The following TMT1A variants were observed in gnomAD, a reference collection of about 807,000 sequenced individuals.
TMT1A encodes the protein thiol S-methyltransferase TMT1A.
the TMT1A span, chr12:50,930,069 T>C: frequency 1.2e-6 from 2 of 1,614,076 alleles, no homozygotes; most frequent in Non-Finnish European, 1.7e-6. Context: ...CCAGCTTCTC[T>C]AAGCTGAAGC....
the TMT1A span, chr12:50,930,270 G>GT: frequency 3.0e-6 from 2 of 657,224 alleles, no homozygotes; most frequent in South Asian, 2.9e-5. Flanking sequence ...TTGGTTTGTT[G>GT]TTGGTTTTTT....
chr12:50,931,053 C>A, the TMT1A span: 7 of 149,728 alleles, frequency 4.7e-5, no homozygotes, highest in East Asian at 1.4e-3. Flanking sequence ...ATCCCCAAAT[C>A]TTATTTTATT....
chr12:50,925,572 CA>C, the TMT1A span: 1 of 1,590,088 alleles, frequency 6.3e-7, no homozygotes, highest in Non-Finnish European at 8.6e-7. Context: ...TAGTTAGTAG[CA>C]GCTATTATCA....
chr12:50,925,352 A>G, the TMT1A span: 1 of 1,614,062 alleles, frequency 6.2e-7, no homozygotes, highest in African/African-American at 1.3e-5. Context: ...AACTTTGAGA[A>G]GTTTTTGATC....
At chr12:50,929,897 TTTTC>T in the TMT1A span, 26 of 1,553,642 alleles carry the variant, frequency 1.7e-5, no homozygotes, top group African/African-American at 2.8e-5. Context: ...ATGTTTTTTT[TTTTC>T]TTTCTTTCTC....
chr12:50,928,162 T>G, the TMT1A span, among the ~76,000 whole-genome samples: 5 of 152,176 alleles, frequency 3.3e-5, no homozygotes, highest in Non-Finnish European at 5.9e-5. Context: ...TGTACCACAG[T>G]GCTTGTTATT....
the TMT1A span, chr12:50,925,280 C>G: frequency 6.8e-6 from 11 of 1,614,176 alleles, no homozygotes; most frequent in Non-Finnish European, 9.3e-6. Context: ...GGCTGTGGCA[C>G]GGGGGCCAAC....
the TMT1A span, chr12:50,930,130 T>C: frequency 6.2e-7 from 1 of 1,610,446 alleles, no homozygotes; most frequent in East Asian, 2.2e-5. Context: ...CCCTCATATC[T>C]ATGGATATGC....
the TMT1A span, chr12:50,930,221 G>T: frequency 7.8e-7 from 1 of 1,278,792 alleles, no homozygotes; most frequent in South Asian, 1.6e-5. Context: ...AAAATGCTAA[G>T]TGGGAGAAGA....
the TMT1A span, among the ~76,000 whole-genome samples, chr12:50,929,382 T>A: frequency 5.3e-3 from 811 of 152,318 alleles, 7 homozygotes; most frequent in African/African-American, 0.018. Flanking sequence ...AAGACTAGGA[T>A]AACTAGAGGA....
chr12:50,926,500 T>C, the TMT1A span, among the ~76,000 whole-genome samples: 7 of 152,316 alleles, frequency 4.6e-5, no homozygotes, highest in African/African-American at 1.7e-4. Flanking sequence ...TAAGTAGAAT[T>C]TGTAATTGCA....
chr12:50,925,410 AGCT>A, the TMT1A span: 3 of 1,614,236 alleles, frequency 1.9e-6, no homozygotes, highest in Non-Finnish European at 2.5e-6. Context: ...GCTTTGTGGT[AGCT>A]GCCGGGGAGA....
At chr12:50,927,443 G>T in the TMT1A span, among the ~76,000 whole-genome samples, 1 of 152,172 alleles carries the variant, frequency 6.6e-6, no homozygotes, top group Non-Finnish European at 1.5e-5. Context: ...AAATAAAAAA[G>T]GACTGATTCT....
the TMT1A span, chr12:50,930,220 A>G: frequency 7.8e-7 from 1 of 1,288,182 alleles, no homozygotes; most frequent in Non-Finnish European, 1.0e-6. Flanking sequence ...TAAAATGCTA[A>G]GTGGGAGAAG....
chr12:50,925,029 C>G, the TMT1A span: 5 of 1,611,036 alleles, frequency 3.1e-6, no homozygotes, highest in Non-Finnish European at 4.2e-6. Context: ...GTTTTTTTCC[C>G]TTCTGAGCAA....
At chr12:50,925,646 GA>G in the TMT1A span, 1 of 1,263,132 alleles carries the variant, frequency 7.9e-7, no homozygotes, top group Non-Finnish European at 1.1e-6. Context: ...TAAACTACTA[GA>G]AAATACTGTA....
At chr12:50,931,763 C>CTG in the TMT1A span, 1 of 149,342 alleles carries the variant, frequency 6.7e-6, no homozygotes, top group African/African-American at 2.5e-5. Flanking sequence ...CAGGGTCTCA[C>CTG]TGTGTTGCCT....
the TMT1A span, chr12:50,925,536 G>A: frequency 5.0e-6 from 8 of 1,611,678 alleles, no homozygotes; most frequent in Admixed American, 1.0e-4. Flanking sequence ...TGCTGAGACC[G>A]GTGAGTGAAA....
At chr12:50,925,271 G>A in the TMT1A span, 2 of 1,614,104 alleles carry the variant, frequency 1.2e-6, no homozygotes, top group South Asian at 1.1e-5. Flanking sequence ...CTGGAAGTGG[G>A]CTGTGGCACG....
Sources: allele counts gnomAD v4.1 joint callset (sites outside exome capture counted in the v4.1 genomes callset), GRCh38; gene constraint gnomAD v4.1.1; transcripts MANE v1.5; gene names NCBI Gene and HGNC (gene_info 2026-07-23, HGNC 2026-07-21).